Variants in ERC2 observed in about 807,000 individuals in gnomAD.
The protein encoded by ERC2 is ERC protein 2.
A neutral mutation model predicts 114.8 loss-of-function variants in ERC2; 42 were observed. The observed-to-expected ratio is 0.37, with a 90% confidence interval of 0.29 to 0.47. The LOEUF (loss-of-function observed/expected upper bound fraction) is 0.47. Among genes scored for constraint, ERC2 ranks in the 20% least tolerant of loss-of-function variants. The pLI is 0.99. For missense variants in ERC2, 939 were observed against 1,150.7 expected, an observed-to-expected ratio of 0.82 and a Z score of 2.66; for synonymous variants, 454 against 425.5, an observed-to-expected ratio of 1.07 and a Z score of -0.82.
At chr3:56,263,259 C>T (rs1430868554) in intron 3 of ERC2, among the ~76,000 whole-genome samples, 1 of 151,794 alleles carries the variant, frequency 6.6e-6, no homozygotes, top group Non-Finnish European at 1.5e-5. Flanking sequence ...CCATCACTTC[C>T]CCCATGAAGA....
chr3:55,699,452 G>A lies in ERC2; in HGVS notation c.2773C>T (p.His925Tyr). The A allele has an allele frequency of 6.2e-7, 1 of 1,613,732 alleles. No homozygotes were observed. The highest frequency in any genetic ancestry group is 8.5e-7 in the Non-Finnish European group (1 of 1,179,794). ...CGATGGTGGTGGTGATGGTGGTGGTGGTGGTAATGGTGATGGTCATCATCA... is the reference window on the plus strand; with the variant it reads ...CGATGGTGGTGGTGATGGTGGTGGTAGTGGTAATGGTGATGGTCATCATCA... The part of the protein sequence containing the change: ...NYDDDHHHYH[H>Y]HHHHHHHRSP... Residue 925 changes from histidine to tyrosine, a missense_variant, in exon 16 of 18, where the codon CAC becomes TAC. Physicochemically the swap from His to Tyr is moderately conservative, Grantham distance 83. Around this residue, in one of 5 missense-constraint regions of ERC2, gnomAD observed 328 missense variants for 353.9 expected, o/e 0.93. Coordinates refer to ENST00000288221, the MANE Select transcript of ERC2 (RefSeq NM_015576.3).
chr3:56,238,425 T>C (rs1466017561), intron 3 of ERC2, among the ~76,000 whole-genome samples: 1 of 152,234 alleles, frequency 6.6e-6, no homozygotes, highest in East Asian at 1.9e-4. Context: ...GTGAAGAATC[T>C]GCCTTACTTG....
intron 17 of ERC2, among the ~76,000 whole-genome samples, chr3:55,661,633 C>T (rs1384706733): frequency 1.3e-5 from 2 of 152,198 alleles, no homozygotes; most frequent in East Asian, 1.9e-4. Flanking sequence ...AAAGTCCCTT[C>T]GTCCAGTACC....
intron 2 of ERC2, among the ~76,000 whole-genome samples, chr3:56,387,195 A>G (rs902235709): frequency 1.3e-4 from 20 of 152,332 alleles, no homozygotes; most frequent in African/African-American, 4.6e-4. Context: ...TGTCACATCA[A>G]CTTTAAAAAC....
Position 56,357,471 on chromosome 3 carries a change from T to C in ERC2, c.658-61036A>G, listed in dbSNP as rs145655530. Reference sequence around the variant, plus strand: ...ACAACTTCCACCTCTACAGCCTGCATAGGCCCAGGCTGACTACAGCTGGAG... The same window carrying C: ...ACAACTTCCACCTCTACAGCCTGCACAGGCCCAGGCTGACTACAGCTGGAG... On this transcript the variant is annotated intron_variant, in intron 2 of 17. Transcript: ENST00000288221. Among the ~76,000 whole-genome samples the C allele has an allele frequency of 8.3e-3, 1,259 of 152,230 alleles. 12 individuals are homozygous for C. The highest frequency in any genetic ancestry group is 0.028 in the African/African-American group (1,182 of 41,542).
intron 6 of ERC2, among the ~76,000 whole-genome samples, chr3:56,095,313 G>A (rs1026812738): frequency 6.6e-6 from 1 of 151,978 alleles, no homozygotes; most frequent in African/African-American, 2.4e-5. Context: ...ATAGGGTATA[G>A]GAGCCCTTTC....
intron 6 of ERC2, among the ~76,000 whole-genome samples, chr3:56,093,116 G>C (rs1450196618): frequency 6.6e-6 from 1 of 152,160 alleles, no homozygotes; most frequent in Non-Finnish European, 1.5e-5. Context: ...CCATGTTTTA[G>C]AGTCGTGTCT....
chr3:56,210,191 G>A (rs1340264269), intron 3 of ERC2, among the ~76,000 whole-genome samples: 1 of 152,166 alleles, frequency 6.6e-6, no homozygotes, highest in African/African-American at 2.4e-5. Flanking sequence ...AAGAGAACTT[G>A]GCAAGGGATT....
intron 3 of ERC2, among the ~76,000 whole-genome samples, chr3:56,190,651 T>C (rs1229072535): frequency 1.3e-5 from 2 of 151,824 alleles, no homozygotes; most frequent in African/African-American, 4.8e-5. Context: ...GTTGACCAGG[T>C]TGGTCTCAAA....
At chr3:55,678,573 G>A (rs1576092892) in intron 17 of ERC2, among the ~76,000 whole-genome samples, 2 of 152,152 alleles carry the variant, frequency 1.3e-5, no homozygotes, top group Admixed American at 6.5e-5. Flanking sequence ...TTCTTCAAGA[G>A]TTGGAGGAGC....
At chr3:55,885,256 T>C (rs2063306471) in intron 14 of ERC2, among the ~76,000 whole-genome samples, 1 of 152,252 alleles carries the variant, frequency 6.6e-6, no homozygotes, top group Non-Finnish European at 1.5e-5. Flanking sequence ...CACGAACTTA[T>C]GTGGACTCAA....
At chr3:56,228,486 A>C (rs1214440517) in intron 3 of ERC2, among the ~76,000 whole-genome samples, 1 of 152,222 alleles carries the variant, frequency 6.6e-6, no homozygotes, top group Non-Finnish European at 1.5e-5. Context: ...GATTTCACTT[A>C]GCATAATGTC....
intron 17 of ERC2, among the ~76,000 whole-genome samples, chr3:55,622,551 C>A (rs1327629927): frequency 6.6e-6 from 1 of 151,962 alleles, no homozygotes; most frequent in African/African-American, 2.4e-5. Flanking sequence ...ATGCAAGCTA[C>A]CAGCAATTTC....
intron 2 of ERC2, among the ~76,000 whole-genome samples, chr3:56,339,100 C>A (rs1256789912): frequency 1.3e-5 from 2 of 152,116 alleles, no homozygotes; most frequent in Admixed American, 1.3e-4. Flanking sequence ...CTATGGGAGA[C>A]AACATGGGTC....
At chr3:56,414,860 C>T (rs11718232) in intron 2 of ERC2, among the ~76,000 whole-genome samples, 53,449 of 152,002 alleles carry the variant, frequency 0.35, 10,188 homozygotes, top group East Asian at 0.64. Flanking sequence ...CCATATTTTA[C>T]CAACATTTCG....
At chr3:55,625,874 C>T (rs972503969) in intron 17 of ERC2, among the ~76,000 whole-genome samples, 1 of 152,196 alleles carries the variant, frequency 6.6e-6, no homozygotes, top group Non-Finnish European at 1.5e-5. Context: ...GCGCATTATC[C>T]CTTTAAGCCC....
chr3:55,874,729 G>A (rs1032924247), intron 14 of ERC2, among the ~76,000 whole-genome samples: 10 of 152,086 alleles, frequency 6.6e-5, no homozygotes, highest in African/African-American at 9.7e-5. Flanking sequence ...AGAAGTAGGG[G>A]TGGGCAGGGT....
At chr3:55,959,201 C>A (rs566441351) in intron 12 of ERC2, among the ~76,000 whole-genome samples, 1 of 152,286 alleles carries the variant, frequency 6.6e-6, no homozygotes, top group Admixed American at 6.5e-5. Flanking sequence ...GGTGACACAG[C>A]AGAAGGTAAC....
At chr3:56,237,927 T>G (rs1488229574) in intron 3 of ERC2, among the ~76,000 whole-genome samples, 1 of 150,228 alleles carries the variant, frequency 6.7e-6, no homozygotes, top group Non-Finnish European at 1.5e-5. Context: ...GAAGCAAGCA[T>G]GATTCAAATT....
Sources: allele counts gnomAD v4.1 joint callset (sites outside exome capture counted in the v4.1 genomes callset), GRCh38; gene constraint gnomAD v4.1.1; regional missense constraint gnomAD v4.1.1; transcripts MANE v1.5; gene names NCBI Gene and HGNC (gene_info 2026-07-23, HGNC 2026-07-21).